The following ADGRD2 variants were observed in gnomAD, a reference collection of about 807,000 sequenced individuals.
ADGRD2 encodes G protein-coupled receptor PGR24.
In ADGRD2, 71 loss-of-function variants were observed where a neutral mutation model predicts 44.4. That is an observed-to-expected ratio of 1.60 (90% CI 1.32 to 1.95). ADGRD2 has a LOEUF of 1.95. Ranked by LOEUF, ADGRD2 falls within the 30% of genes most tolerant of loss-of-function variation. The pLI, the probability that ADGRD2 is intolerant of heterozygous loss-of-function variation, is 0.00. For missense variants in ADGRD2, 1,039 were observed against 512.4 expected (o/e 2.03, Z -9.92); for synonymous variants, 481 against 224.8 (o/e 2.14, Z -10.19).
intron 10 of ADGRD2, among the ~76,000 whole-genome samples, chr9:124,464,095 C>T (rs557200313): frequency 6.6e-6 from 1 of 152,182 alleles, no homozygotes; most frequent in African/African-American, 2.4e-5. Context: ...CTGCCTCAGC[C>T]TCCCAAAGTG....
rs564454964 is a variant in ADGRD2 at position 124,471,560 on chromosome 9, G to A, written c.2758+946G>A. On this transcript the variant is annotated intron_variant, in intron 17 of 21. Coordinates refer to ENST00000334810, the Ensembl canonical transcript of ADGRD2. ...ATCTCCCAATAAGCCTTGTAAGTGG[G>A]GAAACTGAGACCTCATGAGGTCACT... 1.7e-3 allele frequency among the ~76,000 whole-genome samples: 266 copies of A among 152,306 alleles called. 1 individual carries two copies. The highest frequency in any genetic ancestry group is 6.2e-3 in the African/African-American group (256 of 41,576).
At chr9:124,458,005 G>T (rs1250844083) in intron 8 of ADGRD2, 108 bp from the exon 12 acceptor site, 2 of 662,412 alleles carry the variant, frequency 3.0e-6, no homozygotes, top group Middle Eastern at 2.5e-4. Context: ...ACCTCTCTGA[G>T]CCTCAGTTTC....
Position 124,462,948 on chromosome 9 carries a change from C to T in ADGRD2, c.1871-3310C>T, listed in dbSNP as rs527309805. ...CTCTCTCTCTCTTTCTCTCTCTCTCCTTCCTTCCTTCATTCCTTCCTTTCT... is the reference window on the plus strand; with the variant it reads ...CTCTCTCTCTCTTTCTCTCTCTCTCTTTCCTTCCTTCATTCCTTCCTTTCT... On this transcript the variant is annotated intron_variant, in intron 10 of 21. Coordinates refer to ENST00000334810, the Ensembl canonical transcript of ADGRD2. Among the ~76,000 whole-genome samples the T allele has an allele frequency of 1.5e-3, 219 of 146,892 alleles. 1 individual carries two copies. Among genetic ancestry groups the T allele is most frequent in the African/African-American group, 5.3e-3 (208 of 39,028 alleles).
exon 2 of ADGRD2, chr9:124,452,516 T>C (rs543380923): frequency 1.4e-6 from 1 of 718,518 alleles, no homozygotes; most frequent in Non-Finnish European, 2.6e-6. Context: ...TTAGCCCCCG[T>C]GGCCGCCGGC....
chr9:124,476,865 C>G (rs961226893), intron 21 of ADGRD2, 156 bp downstream of exon 24: 2 of 695,856 alleles, frequency 2.9e-6, no homozygotes, highest in Admixed American at 4.0e-5. Context: ...CCTGGGAGCA[C>G]TGGGGGCCTG....
chr9:124,455,402 C>A (rs1455523848), intron 6 of ADGRD2, among the ~76,000 whole-genome samples: 1 of 152,072 alleles, frequency 6.6e-6, no homozygotes, highest in Non-Finnish European at 1.5e-5. Context: ...ACTAGCCTGG[C>A]CAACATAATG....
Position 124,453,225 on chromosome 9 carries a change from C to A in ADGRD2, c.474C>A (p.Arg158=), listed in dbSNP as rs1445036595. The A allele has an allele frequency of 6.7e-6, 4 of 595,450 alleles. No individual in the cohort carries two copies. The East Asian group carries it at 1.0e-4, about 15-fold the overall frequency. The allele number at this position is 595,450 out of a possible 1,614,324, so 36.9% of individuals were successfully genotyped here. A position where few individuals can be genotyped will look rare whatever the true frequency, so the allele number is the denominator to read the frequency against. ...CGCTGCCCAACGCGCTGCAGCTGCG[C>A]GCCTTCGCCGAGCCGGGGGGCGTCG... The change falls in exon 3 of 22, where the codon CGC becomes CGA. Residue 158 remains arginine (R), a synonymous_variant. Coordinates refer to ENST00000334810, the Ensembl canonical transcript of ADGRD2.
At chr9:124,468,421 T>C in intron 13 of ADGRD2, 98 bp from the exon 17 acceptor site, 1 of 707,304 alleles carries the variant, frequency 1.4e-6, no homozygotes, top group Non-Finnish European at 2.6e-6. Flanking sequence ...CACTGAGACT[T>C]CTTTGGGTTG....
chr9:124,476,615 T>C, intron 20 of ADGRD2, 64 bp from the exon 24 acceptor site: 1 of 669,444 alleles, frequency 1.5e-6, no homozygotes. Context: ...TAGCCAAGGG[T>C]CCCCAGGGCA....
At chr9:124,451,176 G>T (rs1831458834), upstream of ADGRD2, 2 of 472,184 alleles carry the variant, frequency 4.2e-6, no homozygotes, top group Non-Finnish European at 8.8e-6. Flanking sequence ...GGGAAAGGTG[G>T]CTGCACGGAG....
At chr9:124,462,182 C>T (rs768835322) in intron 10 of ADGRD2, among the ~76,000 whole-genome samples, 2 of 151,990 alleles carry the variant, frequency 1.3e-5, no homozygotes, top group Non-Finnish European at 2.9e-5. Flanking sequence ...CACCTCAGCC[C>T]CAGCCCCTCA....
chr9:124,465,913 T>A, intron 10 of ADGRD2: 1 of 181,380 alleles, frequency 5.5e-6, no homozygotes, highest in Non-Finnish European at 1.1e-5. Flanking sequence ...ACTTGATCTA[T>A]CTGAGGCCGG....
intron 10 of ADGRD2, among the ~76,000 whole-genome samples, chr9:124,461,956 A>G (rs993029448): frequency 6.6e-6 from 1 of 152,164 alleles, no homozygotes; most frequent in Non-Finnish European, 1.5e-5. Context: ...CATGTTGGCC[A>G]GGCTGGTCTC....
At chr9:124,459,546 G>A (rs866180618) in intron 10 of ADGRD2, among the ~76,000 whole-genome samples, 2 of 152,074 alleles carry the variant, frequency 1.3e-5, no homozygotes, top group Middle Eastern at 3.4e-3. Flanking sequence ...CATATGGGAG[G>A]GTTTCGCCAC....
intron 19 of ADGRD2, 103 bp from the exon 23 acceptor site, chr9:124,476,254 G>T: frequency 1.6e-6 from 1 of 612,022 alleles, no homozygotes; most frequent in Non-Finnish European, 3.0e-6. Flanking sequence ...CCTTGGAGTG[G>T]ATTCTTAGCG....
intron 10 of ADGRD2, among the ~76,000 whole-genome samples, chr9:124,459,870 C>A (rs1227571678): frequency 3.9e-5 from 6 of 152,076 alleles, no homozygotes; most frequent in African/African-American, 1.4e-4. Flanking sequence ...GTCCTGGAAC[C>A]AATCTCCCGC....
exon 21 of ADGRD2, chr9:124,476,682 G>A: frequency 2.8e-6 from 2 of 702,400 alleles, no homozygotes; most frequent in Non-Finnish European, 5.2e-6. Context: ...TCCTCAGGCT[G>A]TGGAACTGAC....
intron 10 of ADGRD2, among the ~76,000 whole-genome samples, chr9:124,463,858 G>C (rs1831763485): frequency 6.6e-6 from 1 of 151,910 alleles, no homozygotes; most frequent in South Asian, 2.1e-4. Context: ...TTATTTTTGA[G>C]ACAGTCTCTC....
intron 14 of ADGRD2, among the ~76,000 whole-genome samples, chr9:124,468,960 G>A (rs1178709443): frequency 6.6e-6 from 1 of 152,088 alleles, no homozygotes; most frequent in Admixed American, 6.5e-5. Flanking sequence ...CAAATCTGTA[G>A]CCAGCCAGTT....
Sources: allele counts gnomAD v4.1 joint callset (sites outside exome capture counted in the v4.1 genomes callset), GRCh38; gene constraint gnomAD v4.1.1; transcripts MANE v1.5; gene names NCBI Gene and HGNC (gene_info 2026-07-23, HGNC 2026-07-21).